The following AQP11 variants were observed in gnomAD, a reference collection of about 807,000 sequenced individuals.
AQP11 encodes aquaporin-11.
Under a neutral mutation model 21.1 loss-of-function variants are expected in AQP11, and 20 were observed. The observed-to-expected ratio is 0.95, with a 90% CI of 0.67 to 1.38. The LOEUF is 1.38. Among genes scored for constraint, AQP11 ranks in the 40% most tolerant of loss-of-function variants. AQP11 has a pLI of 0.00. For missense variants in AQP11, 339 were observed against 340.4 expected (o/e 1.00, Z 0.03); for synonymous variants, 167 against 150.1 (o/e 1.11, Z -0.82).
At chr11:77,592,543 C>A (rs1289860103) in intron 1 of AQP11, among the ~76,000 whole-genome samples, 1 of 152,196 alleles carries the variant, frequency 6.6e-6, no homozygotes, top group African/African-American at 2.4e-5. Flanking sequence ...TCTTCCCTCT[C>A]TTGATTAACC....
chr11:77,597,078 T>C (rs919725592), intron 1 of AQP11, among the ~76,000 whole-genome samples: 3 of 152,192 alleles, frequency 2.0e-5, no homozygotes, highest in Non-Finnish European at 2.9e-5. Flanking sequence ...TATAATTTGA[T>C]CATTTTTGCA....
At chr11:77,601,953 C>T (rs1206367780) in intron 1 of AQP11, among the ~76,000 whole-genome samples, 2 of 152,238 alleles carry the variant, frequency 1.3e-5, no homozygotes, top group Non-Finnish European at 2.9e-5. Flanking sequence ...CACACAGCAT[C>T]ACTCCTGTTA....
At chr11:77,591,988 G>A (rs956054428) in intron 1 of AQP11, among the ~76,000 whole-genome samples, 3 of 152,162 alleles carry the variant, frequency 2.0e-5, no homozygotes, top group Admixed American at 6.6e-5. Context: ...GAAGGGGGCC[G>A]GGCACGGTGG....
At chr11:77,608,528 G>A (rs771808403) in intron 2 of AQP11, among the ~76,000 whole-genome samples, 2 of 152,084 alleles carry the variant, frequency 1.3e-5, no homozygotes, top group Non-Finnish European at 2.9e-5. Context: ...CAGGAGAATC[G>A]CTTGAACCTG....
At chr11:77,596,217 C>T (rs890455000) in intron 1 of AQP11, among the ~76,000 whole-genome samples, 7 of 151,642 alleles carry the variant, frequency 4.6e-5, no homozygotes, top group Non-Finnish European at 8.8e-5. Context: ...TATTCATTAT[C>T]GTCACTACTC....
At chr11:77,609,235 C>A in intron 2 of AQP11, 63 bp from the exon 3 acceptor site, 1 of 1,245,800 alleles carries the variant, frequency 8.0e-7, no homozygotes, top group Non-Finnish European at 1.2e-6. Flanking sequence ...AAAATATACC[C>A]ACCTAGTGAT....
intron 2 of AQP11, among the ~76,000 whole-genome samples, chr11:77,606,903 AC>A: frequency 6.6e-6 from 1 of 152,156 alleles, no homozygotes; most frequent in African/African-American, 2.4e-5. Context: ...CTGAGATCAA[AC>A]ATTTTCGAAT....
chr11:77,593,361 C>T (rs1015603286), intron 1 of AQP11, among the ~76,000 whole-genome samples: 9 of 152,248 alleles, frequency 5.9e-5, no homozygotes, highest in African/African-American at 2.2e-4. Flanking sequence ...ATCGGCCGGG[C>T]GCGGTGGCTC....
chr11:77,594,731 A>AT lies in AQP11; in HGVS notation c.619+4120_619+4121insT, dbSNP rs1400227544. On this transcript the variant is annotated intron_variant, in intron 1 of 2. Transcript: ENST00000313578. ...TAACTTATGTATTTTAGGATTACAG[A>AT]ACATAAGCATCCAGCAACATAGCCA... Among the ~76,000 whole-genome samples the AT allele has an allele frequency of 3.9e-5, 6 of 152,308 alleles. No individual in the cohort carries two copies. The South Asian group carries it at 1.2e-3, about 32-fold the overall frequency.
chr11:77,590,602 G>T lies in AQP11; in HGVS notation c.610G>T (p.Val204Phe). The T allele has an allele frequency of 6.2e-7, 1 of 1,613,208 alleles. No homozygotes were observed. Among genetic ancestry groups the T allele is most frequent in the Non-Finnish European group, 8.5e-7 (1 of 1,179,594 alleles). Reference sequence around the variant, plus strand: ...GCTGGCTGCACTCATCACCTTTTTGGTCTATGCAGGTTTGTCATTCTCACC... The same window carrying T: ...GCTGGCTGCACTCATCACCTTTTTGTTCTATGCAGGTTTGTCATTCTCACC... ...HLLAALITFL[V>F]YAGGSLTGAV... The change falls in exon 1 of 3, where the codon GTC (valine) becomes TTC (phenylalanine). Residue 204 changes from valine to phenylalanine, a missense_variant. By Grantham distance (50) the Val-to-Phe change is conservative. Transcript: ENST00000313578.
At chr11:77,590,702 A>G (rs954638608) in intron 1 of AQP11, 91 bp downstream of exon 1, 6 of 1,514,038 alleles carry the variant, frequency 4.0e-6, no homozygotes, top group African/African-American at 2.8e-5. Context: ...GAAACCGTCT[A>G]TCCCGCTATG....
chr11:77,607,795 C>G (rs527597432), intron 2 of AQP11, among the ~76,000 whole-genome samples: 1 of 150,958 alleles, frequency 6.6e-6, no homozygotes, highest in South Asian at 2.1e-4. Context: ...ATAGAATTCT[C>G]TAGTTTATAC....
chr11:77,598,523 A>G (rs1275592314), intron 1 of AQP11, among the ~76,000 whole-genome samples: 1 of 152,232 alleles, frequency 6.6e-6, no homozygotes, highest in Non-Finnish European at 1.5e-5. Flanking sequence ...TTTAAAAAAT[A>G]ATTCATTTTT....
rs1461103321 is a variant in AQP11, at chr11:77,590,152, A to G, written c.160A>G (p.Thr54Ala). 10 of 1,608,048 alleles carry G rather than the reference A, an allele frequency of 6.2e-6. No homozygotes were observed. Among genetic ancestry groups the G allele is most frequent in the Non-Finnish European group, 7.6e-6 (9 of 1,179,308 alleles). The change falls in exon 1 of 3, where the codon ACC becomes GCC. Residue 54 changes from threonine to alanine, a missense_variant. Physicochemically the swap from Thr to Ala is moderately conservative, Grantham distance 58. Transcript: ENST00000313578. ...CGCCTTCGTCCTGGAGTTTCTAGCCACCTTCCAGCTCTGCTGCTGCACCCA... is the reference window on the plus strand; with the variant it reads ...CGCCTTCGTCCTGGAGTTTCTAGCCGCCTTCCAGCTCTGCTGCTGCACCCA... ...AHAFVLEFLA[T>A]FQLCCCTHEL...
At chr11:77,604,335 C>A (rs565099325) in intron 2 of AQP11, among the ~76,000 whole-genome samples, 23 of 152,226 alleles carry the variant, frequency 1.5e-4, no homozygotes, top group Non-Finnish European at 2.9e-4. Flanking sequence ...AGGCTACATT[C>A]CAGTTACTTC....
intron 1 of AQP11, among the ~76,000 whole-genome samples, chr11:77,600,751 G>T (rs1350099238): frequency 6.6e-6 from 1 of 152,150 alleles, no homozygotes; most frequent in African/African-American, 2.4e-5. Flanking sequence ...GGTGGCTCAC[G>T]CCTGTAATCC....
chr11:77,595,743 G>T (rs1308994502), intron 1 of AQP11, among the ~76,000 whole-genome samples: 1 of 151,242 alleles, frequency 6.6e-6, no homozygotes, highest in East Asian at 2.0e-4. Flanking sequence ...CCAACATGGA[G>T]AAACCCTGTC....
intron 1 of AQP11, among the ~76,000 whole-genome samples, chr11:77,601,103 TC>T (rs1015708843): frequency 1.2e-4 from 18 of 152,076 alleles, no homozygotes; most frequent in Admixed American, 7.9e-4. Context: ...GGGACAGTTT[TC>T]CCCCCAGGGG....
intron 1 of AQP11, chr11:77,591,033 T>G: frequency 2.0e-6 from 2 of 985,412 alleles, no homozygotes; most frequent in Non-Finnish European, 2.4e-6. Context: ...ACAAGGCACA[T>G]GATTGGTTAG....
Sources: allele counts gnomAD v4.1 joint callset (sites outside exome capture counted in the v4.1 genomes callset), GRCh38; gene constraint gnomAD v4.1.1; transcripts MANE v1.5; gene names NCBI Gene and HGNC (gene_info 2026-07-23, HGNC 2026-07-21).